Variants in MAST2 observed in about 807,000 individuals in gnomAD.
MAST2 encodes microtubule-associated serine/threonine-protein kinase 2.
A neutral mutation model predicts 147.4 loss-of-function variants in MAST2; 70 were observed. That is an observed-to-expected ratio of 0.47 (90% confidence interval 0.39 to 0.58). The LOEUF (loss-of-function observed/expected upper bound fraction) is 0.58. Among genes scored for constraint, MAST2 ranks in the 20% least tolerant of loss-of-function variants. MAST2 has a pLI of 0.00. For missense variants in MAST2, 2,080 were observed against 2,302.3 expected (o/e 0.90, Z 1.98); for synonymous variants, 869 against 896.8 (o/e 0.97, Z 0.55).
At chr1:45,938,086 G>A (rs902076927) in intron 4 of MAST2, among the ~76,000 whole-genome samples, 3 of 152,076 alleles carry the variant, frequency 2.0e-5, no homozygotes, top group African/African-American at 7.2e-5. Context: ...TTAACATAAT[G>A]TTTTTGAACT....
intron 17 of MAST2, 27 bp downstream of exon 17, chr1:46,027,890 G>A: frequency 6.2e-7 from 1 of 1,612,726 alleles, no homozygotes. Context: ...GATACACTGG[G>A]GGTTAAATTC....
chr1:45,994,338 T>C (rs1644970240), intron 5 of MAST2, among the ~76,000 whole-genome samples: 1 of 130,838 alleles, frequency 7.6e-6, no homozygotes, highest in South Asian at 2.6e-4. Flanking sequence ...CAGGCTGGAG[T>C]GCAGTGGCAT....
intron 5 of MAST2, among the ~76,000 whole-genome samples, chr1:45,968,013 C>T (rs1310162776): frequency 6.6e-6 from 1 of 152,124 alleles, no homozygotes; most frequent in African/African-American, 2.4e-5. Flanking sequence ...ATCTGAAATC[C>T]AAAATGCAAA....
chr1:45,840,344 G>A (rs934272586), intron 3 of MAST2, among the ~76,000 whole-genome samples: 3 of 152,154 alleles, frequency 2.0e-5, no homozygotes, highest in Non-Finnish European at 4.4e-5. Flanking sequence ...GGGTTTACCC[G>A]TTAATTTATA....
chr1:45,989,860 T>C (rs1644794257), intron 5 of MAST2, among the ~76,000 whole-genome samples: 1 of 152,216 alleles, frequency 6.6e-6, no homozygotes, highest in Non-Finnish European at 1.5e-5. Context: ...AATTAGTTTC[T>C]TTCACTTAGC....
intron 4 of MAST2, among the ~76,000 whole-genome samples, chr1:45,951,312 A>G (rs1240477367): frequency 6.7e-6 from 1 of 149,790 alleles, no homozygotes; most frequent in Non-Finnish European, 1.5e-5. Flanking sequence ...GCTGGACATG[A>G]TGGCTTATGC....
At chr1:45,904,761 C>T (rs1371449634) in intron 4 of MAST2, among the ~76,000 whole-genome samples, 1 of 151,890 alleles carries the variant, frequency 6.6e-6, no homozygotes, top group Non-Finnish European at 1.5e-5. Flanking sequence ...CCACCGCACC[C>T]AACCCAGACT....
intron 3 of MAST2, among the ~76,000 whole-genome samples, chr1:45,867,198 A>G (rs901756078): frequency 2.6e-5 from 4 of 152,256 alleles, no homozygotes; most frequent in Non-Finnish European, 5.9e-5. Flanking sequence ...ATTTAAAGGT[A>G]AGTTTTATTA....
intron 5 of MAST2, among the ~76,000 whole-genome samples, chr1:45,975,691 A>C (rs530902361): frequency 2.0e-5 from 3 of 151,484 alleles, no homozygotes; most frequent in East Asian, 1.9e-4. Flanking sequence ...AAAAAAAAAA[A>C]ACACAGACCA....
At chr1:45,818,890 T>C (rs537066822) in intron 1 of MAST2, among the ~76,000 whole-genome samples, 1 of 152,272 alleles carries the variant, frequency 6.6e-6, no homozygotes, top group Admixed American at 6.5e-5. Flanking sequence ...AGCAAGTAAA[T>C]AAGTCTCTAG....
intron 4 of MAST2, among the ~76,000 whole-genome samples, chr1:45,942,340 A>T (rs1657421052): frequency 6.6e-6 from 1 of 152,104 alleles, no homozygotes; most frequent in African/African-American, 2.4e-5. Flanking sequence ...GACAAAGACC[A>T]CTTGTTTGAA....
At chr1:45,954,462 AG>A (rs1173235523) in intron 4 of MAST2, among the ~76,000 whole-genome samples, 1 of 152,204 alleles carries the variant, frequency 6.6e-6, no homozygotes, top group Non-Finnish European at 1.5e-5. Context: ...TGAAATGCCA[AG>A]TCTCACTCCA....
In MAST2 at chr1:46,033,880, T is replaced by C; in HGVS notation, c.3616T>C (p.Tyr1206His). The change falls in exon 27 of 29, where the codon TAC (tyrosine) becomes CAC (histidine). Residue 1206 changes from tyrosine to histidine, a missense_variant. Coordinates refer to ENST00000361297, the MANE Select transcript of MAST2 (RefSeq NM_015112.3). ...IKVGPARKGS[Y>H]KAKMARRSKR... ...AGTGGGGCCAGCTCGGAAGGGCAGC[T>C]ACAAGGCCAAGATGGCCCGAAGGAG... is the stretch of plus-strand genomic sequence containing the variant. The C allele has an allele frequency of 3.7e-6, 6 of 1,614,114 alleles. No individual in the cohort carries two copies. The highest frequency in any genetic ancestry group is 5.1e-6 in the Non-Finnish European group (6 of 1,180,006).
chr1:45,970,851 CAG>C (rs1253940229), intron 5 of MAST2, among the ~76,000 whole-genome samples: 1 of 131,316 alleles, frequency 7.6e-6, no homozygotes, highest in Non-Finnish European at 1.6e-5. Context: ...CTTGTTAAAA[CAG>C]AGTGGCAACT....
At chr1:45,847,809 T>C (rs1645491650) in intron 3 of MAST2, among the ~76,000 whole-genome samples, 1 of 152,110 alleles carries the variant, frequency 6.6e-6, no homozygotes, top group South Asian at 2.1e-4. Flanking sequence ...CCGCCTCAGC[T>C]TCCCAAAGGG....
At chr1:45,957,226 G>T (rs61785585) in intron 4 of MAST2, among the ~76,000 whole-genome samples, 1 of 152,156 alleles carries the variant, frequency 6.6e-6, no homozygotes, top group Non-Finnish European at 1.5e-5. Flanking sequence ...TTCATCCATT[G>T]TGTGAATCAA....
chr1:45,916,001 T>A (rs1652444556), intron 4 of MAST2, among the ~76,000 whole-genome samples: 1 of 152,154 alleles, frequency 6.6e-6, no homozygotes, highest in Admixed American at 6.5e-5. Context: ...CTTTTAACTT[T>A]AAAAAAATGT....
intron 3 of MAST2, among the ~76,000 whole-genome samples, chr1:45,855,650 C>T (rs1442156935): frequency 6.6e-6 from 1 of 151,732 alleles, no homozygotes; most frequent in East Asian, 1.9e-4. Flanking sequence ...TTAGTTTTTA[C>T]ATGTTTGTTG....
chr1:45,864,966 A>AC (rs1182159136), intron 3 of MAST2: 7 of 371,804 alleles, frequency 1.9e-5, no homozygotes, highest in Admixed American at 3.4e-5. Context: ...CTTACGCTGG[A>AC]CAGAGGGATA....
Sources: allele counts gnomAD v4.1 joint callset (sites outside exome capture counted in the v4.1 genomes callset), GRCh38; gene constraint gnomAD v4.1.1; transcripts MANE v1.5; gene names NCBI Gene and HGNC (gene_info 2026-07-23, HGNC 2026-07-21).